TRIM44: variants seen among roughly 807,000 people sequenced by gnomAD.
TRIM44 encodes the protein tripartite motif-containing protein 44.
TRIM44 carries 13 observed loss-of-function variants against 37.4 expected under a neutral mutation model. That is an observed-to-expected ratio of 0.35 (90% CI 0.23 to 0.55). The LOEUF is 0.55. Ranked by LOEUF, TRIM44 falls within the 20% of genes least tolerant of loss-of-function variation. The pLI is 0.89. For synonymous variants in TRIM44, 175 were observed against 157.2 expected (o/e 1.11, Z -0.85); for missense variants, 426 against 437.2 (o/e 0.97, Z 0.23).
intron 4 of TRIM44, among the ~76,000 whole-genome samples, chr11:35,787,365 C>A (rs1429526480): frequency 6.6e-6 from 1 of 152,180 alleles, no homozygotes; most frequent in African/African-American, 2.4e-5. Context: ...GATAGAGCAG[C>A]TACAGTACAT....
intron 4 of TRIM44, among the ~76,000 whole-genome samples, chr11:35,780,834 T>C (rs1322437672): frequency 7.2e-6 from 1 of 138,858 alleles, no homozygotes. Context: ...ACATGCTGCC[T>C]TCTTTCTTTT....
At chr11:35,744,370 T>C (rs1011199085) in intron 4 of TRIM44, among the ~76,000 whole-genome samples, 2 of 152,232 alleles carry the variant, frequency 1.3e-5, no homozygotes, top group South Asian at 4.1e-4. Context: ...AATAAGTATG[T>C]GAAGTCATGG....
rs999378646 is a variant in TRIM44, at chr11:35,812,717, C to G, written c.*6332C>G. 6.6e-6 allele frequency: 1 copy of G among 152,356 alleles called. No homozygotes were observed. Among genetic ancestry groups the G allele is most frequent in the Non-Finnish European group, 1.5e-5 (1 of 68,190 alleles). 9.4% of individuals were successfully genotyped at this position (152,356 alleles called of 1,614,324 possible). A position where few individuals can be genotyped will look rare whatever the true frequency, so the allele number is the denominator to read the frequency against. On this transcript the variant is annotated 3_prime_UTR_variant, in exon 5 of 5. Transcript: ENST00000299413. Reference sequence around the variant, plus strand: ...AACACTGATCCCCCTACAACTACCCCCACACATGTACAGTATGGCCTTGGG... The same window carrying G: ...AACACTGATCCCCCTACAACTACCCGCACACATGTACAGTATGGCCTTGGG...
At chr11:35,794,420 G>A (rs1042248326) in intron 4 of TRIM44, among the ~76,000 whole-genome samples, 20 of 152,224 alleles carry the variant, frequency 1.3e-4, no homozygotes, top group African/African-American at 4.8e-4. Flanking sequence ...CTTCATGGAG[G>A]TGAATTTGTT....
chr11:35,814,561 A>T lies in TRIM44; in HGVS notation c.*8176A>T, dbSNP rs1565049397. 6.6e-6 allele frequency: 1 copy of T among 152,098 alleles called. No homozygotes were observed. Among genetic ancestry groups the T allele is most frequent in the Non-Finnish European group, 1.5e-5 (1 of 68,012 alleles). The allele number at this position is 152,098 out of a possible 1,614,324, so 9.4% of individuals were successfully genotyped here. A position where few individuals can be genotyped will look rare whatever the true frequency, so the allele number is the denominator to read the frequency against. ...TAAAAACCCAGATGCATGTGACTAG[A>T]ACTATCTTTTCTCCCATGATGCACT... On this transcript the variant is annotated 3_prime_UTR_variant, in exon 5 of 5. Transcript: ENST00000299413.
rs892894199 is a variant in TRIM44 at position 35,814,002 on chromosome 11, A to G, written c.*7617A>G. The G allele has an allele frequency of 1.3e-5, 2 of 152,214 alleles. No homozygotes were observed. Among genetic ancestry groups the G allele is most frequent in the African/African-American group, 4.8e-5 (2 of 41,458 alleles). 9.4% of individuals were successfully genotyped at this position (152,214 alleles called of 1,614,324 possible). A position where few individuals can be genotyped will look rare whatever the true frequency, so the allele number is the denominator to read the frequency against. Reference sequence around the variant, plus strand: ...ACTTTCCAATGTGATGAATAAAACTAATAACTAGAATACAGATCAAATTCT... The same window carrying G: ...ACTTTCCAATGTGATGAATAAAACTGATAACTAGAATACAGATCAAATTCT... On this transcript the variant is annotated 3_prime_UTR_variant, in exon 5 of 5. Coordinates refer to ENST00000299413, the MANE Select transcript of TRIM44 (RefSeq NM_017583.6).
intron 4 of TRIM44, among the ~76,000 whole-genome samples, chr11:35,739,847 G>C (rs1852370381): frequency 6.6e-6 from 1 of 152,150 alleles, no homozygotes; most frequent in East Asian, 1.9e-4. Context: ...TCATTTAAGA[G>C]AGTGTCTTTG....
At chr11:35,677,738 A>C (rs1374163929) in intron 1 of TRIM44, among the ~76,000 whole-genome samples, 2 of 152,224 alleles carry the variant, frequency 1.3e-5, no homozygotes, top group Non-Finnish European at 2.9e-5. Flanking sequence ...TTTGGCCAGT[A>C]GGGAACCAAC....
intron 4 of TRIM44, among the ~76,000 whole-genome samples, chr11:35,761,026 A>G (rs1479325829): frequency 2.0e-5 from 3 of 152,122 alleles, no homozygotes; most frequent in Non-Finnish European, 2.9e-5. Flanking sequence ...GATTCCACAT[A>G]TTAGTAAGGT....
At chr11:35,742,385 TCTATATATATAGG>T (rs1852408616) in intron 4 of TRIM44, among the ~76,000 whole-genome samples, 1 of 143,698 alleles carries the variant, frequency 7.0e-6, no homozygotes, top group Admixed American at 7.4e-5. Context: ...ATATATATGG[TCTATATATATAGG>T]ACAACAGTCC....
chr11:35,763,743 G>A (rs1852758050), intron 4 of TRIM44, among the ~76,000 whole-genome samples: 1 of 152,188 alleles, frequency 6.6e-6, no homozygotes, highest in Non-Finnish European at 1.5e-5. Flanking sequence ...CTATTGGGTT[G>A]TGTGCCTTTC....
chr11:35,733,449 A>T (rs561062966), intron 3 of TRIM44, among the ~76,000 whole-genome samples: 1 of 152,330 alleles, frequency 6.6e-6, no homozygotes, highest in East Asian at 1.9e-4. Flanking sequence ...AACTCATGTT[A>T]AATTTAAATT....
At chr11:35,756,862 G>C (rs954400633) in intron 4 of TRIM44, among the ~76,000 whole-genome samples, 13 of 152,184 alleles carry the variant, frequency 8.5e-5, no homozygotes, top group African/African-American at 3.1e-4. Context: ...AAGCCCACTT[G>C]ATCATGGTGG....
chr11:35,759,719 G>A (rs2133858807), intron 4 of TRIM44, among the ~76,000 whole-genome samples: 1 of 152,324 alleles, frequency 6.6e-6, no homozygotes, highest in South Asian at 2.1e-4. Flanking sequence ...CTAACAGTCA[G>A]GACCCTCAGC....
intron 4 of TRIM44, among the ~76,000 whole-genome samples, chr11:35,789,904 G>A (rs1356018983): frequency 3.3e-5 from 5 of 152,064 alleles, no homozygotes; most frequent in Admixed American, 6.5e-5. Context: ...GAAATCTATC[G>A]TGAATACATC....
chr11:35,678,146 G>A (rs911566554), intron 1 of TRIM44, among the ~76,000 whole-genome samples: 2 of 152,172 alleles, frequency 1.3e-5, no homozygotes, highest in African/African-American at 2.4e-5. Context: ...AGGATTTTGG[G>A]TTTTATTCTA....
At position 35,663,753 on chromosome 11, in the gene TRIM44, C is replaced by T; in HGVS notation, c.642C>T (p.Thr214=). ...CTCACCAGGGCCACCAACTCTCCAC[C>T]CTAGACGAAGCCTTTGAAGAATTAA... ...IGAHQGHQLS[T]LDEAFEELRS... The change falls in exon 1 of 5, where the codon ACC becomes ACT. Residue 214 remains threonine (T), a synonymous_variant. Transcript: ENST00000299413. The T allele has an allele frequency of 6.2e-7, 1 of 1,613,946 alleles. No individual in the cohort carries two copies. The highest frequency in any genetic ancestry group is 8.5e-7 in the Non-Finnish European group (1 of 1,179,982).
chr11:35,681,446 A>G (rs556451288), intron 1 of TRIM44, among the ~76,000 whole-genome samples: 1 of 152,170 alleles, frequency 6.6e-6, no homozygotes, highest in Non-Finnish European at 1.5e-5. Flanking sequence ...GGGTGTCACA[A>G]TGTAGCACTT....
rs1423546244 is a variant in TRIM44 at position 35,662,986 on chromosome 11, G to A, written c.-126G>A. On this transcript the variant is annotated 5_prime_UTR_variant, in exon 1 of 5. Coordinates refer to ENST00000299413, the MANE Select transcript of TRIM44 (RefSeq NM_017583.6). ...GGCCCCAGGTCCCGCTTCGAGACGC[G>A]GCGCGGTCCAGGCGGGAGGCGACTC... The A allele has an allele frequency of 7.3e-7, 1 of 1,372,026 alleles. No homozygotes were observed. The highest frequency in any genetic ancestry group is 1.5e-5 in the African/African-American group (1 of 66,572). 85.0% of individuals were successfully genotyped at this position (1,372,026 alleles called of 1,614,324 possible). A position where few individuals can be genotyped will look rare whatever the true frequency, so the allele number is the denominator to read the frequency against.
Sources: allele counts gnomAD v4.1 joint callset (sites outside exome capture counted in the v4.1 genomes callset), GRCh38; gene constraint gnomAD v4.1.1; transcripts MANE v1.5; gene names NCBI Gene and HGNC (gene_info 2026-07-23, HGNC 2026-07-21).